The following NSMCE2 variants were observed in gnomAD, a reference collection of about 807,000 sequenced individuals.
NSMCE2 encodes the protein E3 SUMO-protein ligase NSE2.
Under a neutral mutation model 23.8 loss-of-function variants are expected in NSMCE2, and 24 were observed. That is an observed-to-expected ratio of 1.01 (90% CI 0.73 to 1.42). The LOEUF (loss-of-function observed/expected upper bound fraction) is 1.42, where lower values mean the gene tolerates loss of function less well. Among genes scored for constraint, NSMCE2 ranks in the 40% most tolerant of loss-of-function variants. The pLI is 0.00. For missense variants in NSMCE2, 284 were observed against 296.5 expected (o/e 0.96, Z 0.31); for synonymous variants, 92 against 94.1 (o/e 0.98, Z 0.13).
intron 5 of NSMCE2, among the ~76,000 whole-genome samples, chr8:125,265,559 A>G (rs564465298): frequency 6.6e-6 from 1 of 152,290 alleles, no homozygotes; most frequent in Non-Finnish European, 1.5e-5. Flanking sequence ...TTGCGTTAAA[A>G]TGCTGCTATC....
intron 5 of NSMCE2, among the ~76,000 whole-genome samples, chr8:125,284,141 G>A (rs968861702): frequency 4.9e-5 from 7 of 143,604 alleles, no homozygotes; most frequent in Non-Finnish European, 7.5e-5. Flanking sequence ...GCAACAGAGC[G>A]AGACTCCGGA....
At chr8:125,224,355 G>C (rs1825003396) in intron 5 of NSMCE2, among the ~76,000 whole-genome samples, 1 of 152,100 alleles carries the variant, frequency 6.6e-6, no homozygotes, top group African/African-American at 2.4e-5. Flanking sequence ...TGCTGTTGGG[G>C]TCATATTTAG....
chr8:125,200,122 T>C (rs1312992345), intron 5 of NSMCE2, among the ~76,000 whole-genome samples: 1 of 152,244 alleles, frequency 6.6e-6, no homozygotes, highest in Non-Finnish European at 1.5e-5. Context: ...CTTGACTCTT[T>C]ATCCAATTTG....
At chr8:125,342,028 G>A (rs376487105) in intron 5 of NSMCE2, among the ~76,000 whole-genome samples, 9 of 152,172 alleles carry the variant, frequency 5.9e-5, no homozygotes, top group Non-Finnish European at 1.2e-4. Context: ...GTGGTGGGGG[G>A]GTTAAGGGGA....
chr8:125,280,843 A>C (rs1380466812), intron 5 of NSMCE2, among the ~76,000 whole-genome samples: 2 of 152,224 alleles, frequency 1.3e-5, no homozygotes, highest in African/African-American at 4.8e-5. Context: ...GGGAAATCTC[A>C]TTATAAACTG....
At chr8:125,183,288 G>A (rs1435606879) in intron 5 of NSMCE2, among the ~76,000 whole-genome samples, 1 of 152,080 alleles carries the variant, frequency 6.6e-6, no homozygotes, top group Non-Finnish European at 1.5e-5. Context: ...CCTCACTTTT[G>A]TCTATTTTAC....
chr8:125,272,014 C>CTTTTTT (rs563967898), intron 5 of NSMCE2, among the ~76,000 whole-genome samples: 13 of 130,178 alleles, frequency 1.0e-4, no homozygotes, highest in East Asian at 2.2e-4. Context: ...CAGTTTCTTT[C>CTTTTTT]TTTTTTTTTT....
rs538185998 is a variant in NSMCE2 at position 125,187,814 on chromosome 8, A to C, written c.418+5558A>C. On this transcript the variant is annotated intron_variant, in intron 5 of 7. Transcript: ENST00000287437. ...TGTGAATCTGAAATTTTAAGTGTTA[A>C]TTTAATATGCAATATAATTTTGTTA... 5.3e-5 allele frequency among the ~76,000 whole-genome samples: 8 copies of C among 152,300 alleles called. 1 individual carries two copies. The South Asian group carries it at 1.7e-3, about 32-fold the overall frequency.
intron 5 of NSMCE2, among the ~76,000 whole-genome samples, chr8:125,326,557 AAAAG>A (rs1187447178): frequency 6.6e-6 from 1 of 152,194 alleles, no homozygotes; most frequent in Admixed American, 6.5e-5. Context: ...GGGATTGTGG[AAAAG>A]AGAGAGAGGA....
intron 5 of NSMCE2, among the ~76,000 whole-genome samples, chr8:125,225,935 A>C (rs72720563): frequency 6.6e-6 from 1 of 152,316 alleles, no homozygotes; most frequent in Non-Finnish European, 1.5e-5. Context: ...CAAAAGATGA[A>C]TTTTAATGGA....
At chr8:125,307,175 C>T (rs560942464) in intron 5 of NSMCE2, among the ~76,000 whole-genome samples, 1 of 152,224 alleles carries the variant, frequency 6.6e-6, no homozygotes, top group African/African-American at 2.4e-5. Flanking sequence ...AGTGGGTAGT[C>T]AATTTCAAGC....
intron 5 of NSMCE2, among the ~76,000 whole-genome samples, chr8:125,306,413 G>A (rs957181598): frequency 6.7e-6 from 1 of 150,326 alleles, no homozygotes; most frequent in Non-Finnish European, 1.5e-5. Flanking sequence ...CCCATCTTGG[G>A]CCTTACTGCC....
At chr8:125,309,406 CATT>C (rs764397518) in intron 5 of NSMCE2, among the ~76,000 whole-genome samples, 5 of 152,088 alleles carry the variant, frequency 3.3e-5, no homozygotes, top group East Asian at 3.9e-4. Context: ...TTATTGCCAT[CATT>C]GAGTCACTTT....
At chr8:125,207,889 G>A (rs1824176585) in intron 5 of NSMCE2, among the ~76,000 whole-genome samples, 2 of 152,216 alleles carry the variant, frequency 1.3e-5, no homozygotes, top group South Asian at 4.1e-4. Context: ...TAGAGCCGGA[G>A]CTGAAGAGCT....
At chr8:125,261,587 A>G (rs965121583) in intron 5 of NSMCE2, among the ~76,000 whole-genome samples, 2 of 152,166 alleles carry the variant, frequency 1.3e-5, no homozygotes, top group Non-Finnish European at 2.9e-5. Flanking sequence ...TAATTAATAT[A>G]CTTACACTTT....
Position 125,125,874 on chromosome 8 carries a change from G to A in NSMCE2, c.157+23387G>A, listed in dbSNP as rs556709905. The stretch of plus-strand genomic sequence containing the variant: ...CTGTCCCAAGTCCTACATTGGTGAG[G>A]AAGGGCCCAGGGTGATACTGTGGAG... On this transcript the variant is annotated intron_variant, in intron 3 of 7. Transcript: ENST00000287437. Among the ~76,000 whole-genome samples, 6 of 152,278 alleles carry A rather than the reference G, an allele frequency of 3.9e-5. No homozygotes were observed. The South Asian group carries it at 1.2e-3, about 32-fold the overall frequency.
At chr8:125,092,947 C>G (rs984662213) in intron 1 of NSMCE2, among the ~76,000 whole-genome samples, 45 of 152,216 alleles carry the variant, frequency 3.0e-4, no homozygotes, top group African/African-American at 1.1e-3. Flanking sequence ...AAGAGCATCC[C>G]TGGCCTCTGC....
intron 3 of NSMCE2, among the ~76,000 whole-genome samples, chr8:125,149,937 T>TA (rs1820905195): frequency 1.3e-5 from 2 of 152,166 alleles, no homozygotes; most frequent in South Asian, 4.1e-4. Flanking sequence ...ATTTGACACT[T>TA]AGATTAAGAG....
intron 5 of NSMCE2, among the ~76,000 whole-genome samples, chr8:125,203,276 T>C (rs1175814553): frequency 2.0e-5 from 3 of 152,118 alleles, no homozygotes; most frequent in African/African-American, 7.2e-5. Context: ...ATTTTTTTAG[T>C]ACCCTCATCT....
Sources: allele counts gnomAD v4.1 joint callset (sites outside exome capture counted in the v4.1 genomes callset), GRCh38; gene constraint gnomAD v4.1.1; transcripts MANE v1.5; gene names NCBI Gene and HGNC (gene_info 2026-07-23, HGNC 2026-07-21).